Variants in STAT1 observed in about 807,000 individuals in gnomAD.
STAT1 encodes the protein signal transducer and activator of transcription 1-alpha/beta.
In STAT1, 24 loss-of-function variants were observed where a neutral mutation model predicts 111.7. That is an observed-to-expected ratio of 0.21 (90% CI 0.16 to 0.30). The LOEUF is 0.30. STAT1 is among the 10% of genes least tolerant of loss of function. STAT1 has a pLI of 1.00. For synonymous variants in STAT1, 332 were observed against 326.5 expected (o/e 1.02, Z -0.18); for missense variants, 351 against 911.9 (o/e 0.38, Z 7.92).
In STAT1 at chr2:191,001,113, CTCTT is replaced by C. The variant is rs755837357; in HGVS notation, c.419_422del (p.Lys140SerfsTer9). ...TCACATTTCTGACTTTACTGTCAAG[CTCTT>C]TCTGTTTGTCTAACATCACTGTGCT... On this transcript the variant is annotated frameshift_variant, in exon 6 of 25. Transcript: ENST00000361099. LOFTEE classifies it high-confidence loss of function. 5 of 1,614,082 alleles carry C rather than the reference CTCTT, an allele frequency of 3.1e-6. No individual in the cohort carries two copies. Among genetic ancestry groups the C allele is most frequent in the African/African-American group, 1.3e-5 (1 of 75,034 alleles).
At chr2:190,988,313 G>C (rs1224937742) in intron 12 of STAT1, among the ~76,000 whole-genome samples, 1 of 152,214 alleles carries the variant, frequency 6.6e-6, no homozygotes, top group Admixed American at 6.5e-5. Context: ...CACTAGCTCA[G>C]ACCAGGACAA....
intron 10 of STAT1, among the ~76,000 whole-genome samples, chr2:190,994,331 G>A (rs1304240782): frequency 1.3e-5 from 2 of 152,100 alleles, no homozygotes; most frequent in Non-Finnish European, 2.9e-5. Flanking sequence ...CATTCACTTG[G>A]ATCAGCAGGT....
chr2:191,010,026 ATTCT>A, intron 2 of STAT1, 22 bp from the exon 3 acceptor site: 2 of 1,613,352 alleles, frequency 1.2e-6, no homozygotes, highest in Non-Finnish European at 1.7e-6. Flanking sequence ...AAGAATATAC[ATTCT>A]TTCTATGTAT....
rs994265994 is a variant in STAT1 at position 190,980,290 on chromosome 2, G to T, written c.1632+330C>A. Among the ~76,000 whole-genome samples the T allele has an allele frequency of 6.6e-6, 1 of 152,250 alleles. No homozygotes were observed. Among genetic ancestry groups the T allele is most frequent in the Non-Finnish European group, 1.5e-5 (1 of 68,036 alleles). ...AGCAGGCCGTTAAACTCGTCTGGCT[G>T]GTCAGGCTGCGCCACCCAGCCCACA... On this transcript the variant is annotated intron_variant, in intron 19 of 24. Coordinates refer to ENST00000361099, the MANE Select transcript of STAT1 (RefSeq NM_007315.4). This position sits in a 1 kb window ranked among gnomAD's most constrained non-coding sequence, Gnocchi z 6.1.
At position 190,980,396 on chromosome 2, in the gene STAT1, T is replaced by A. The variant is rs532486004; in HGVS notation, c.1632+224A>T. On this transcript the variant is annotated intron_variant, in intron 19 of 24. Transcript: ENST00000361099. The surrounding 1 kb of genome is among the most constrained non-coding windows in gnomAD (Gnocchi z 6.1). ...GTGAACAGAAGCCTCATTTCAGATA[T>A]GAAAGAATGTTATCACTCAGGCAGG... is the stretch of plus-strand genomic sequence containing the variant. 6.6e-6 allele frequency among the ~76,000 whole-genome samples: 1 copy of A among 152,352 alleles called. No individual in the cohort carries two copies. Among genetic ancestry groups the A allele is most frequent in the Admixed American group, 6.5e-5 (1 of 15,302 alleles).
In STAT1 at chr2:190,982,645, G is replaced by A; in HGVS notation, c.1447-127C>T. 1 of 1,011,088 alleles carries A rather than the reference G, an allele frequency of 9.9e-7. No individual in the cohort carries two copies. The highest frequency in any genetic ancestry group is 1.5e-6 in the Non-Finnish European group (1 of 653,392). 62.6% of individuals were successfully genotyped at this position (1,011,088 alleles called of 1,614,324 possible). On this transcript the variant is annotated intron_variant, in intron 17 of 24. Transcript: ENST00000361099. This position sits in a 1 kb window ranked among gnomAD's most constrained non-coding sequence, Gnocchi z 7.3. ...ATGACACACAGGTGCTTTCACAGTAGGGGAAGAGAAATACAGTCAATTTTC... is the reference window on the plus strand; with the variant it reads ...ATGACACACAGGTGCTTTCACAGTAAGGGAAGAGAAATACAGTCAATTTTC...
chr2:191,009,873 T>C lies in STAT1; in HGVS notation c.128+3A>G, dbSNP rs1433657332. On this transcript the variant is annotated splice_donor_region_variant and intron_variant, in intron 3 of 24. Transcript: ENST00000361099. ...CTTCTTCTGTCTAGTGAATTTTCCT[T>C]ACCAGTCTTGCTTTTCTAACCACTG... 23 of 1,613,782 alleles carry C rather than the reference T, an allele frequency of 1.4e-5. No individual in the cohort carries two copies. The highest frequency in any genetic ancestry group is 1.9e-5 in the Non-Finnish European group (23 of 1,179,830).
At position 191,012,021 on chromosome 2, in the gene STAT1, G is replaced by A. The variant is rs1298990571; in HGVS notation, c.-2+1504C>T. Among the ~76,000 whole-genome samples the A allele has an allele frequency of 4.6e-5, 7 of 151,948 alleles. No individual in the cohort carries two copies. Among genetic ancestry groups the A allele is most frequent in the Non-Finnish European group, 8.8e-5 (6 of 68,000 alleles). On this transcript the variant is annotated intron_variant, in intron 2 of 24. Coordinates refer to ENST00000361099, the MANE Select transcript of STAT1 (RefSeq NM_007315.4). This position sits in a 1 kb window ranked among gnomAD's most constrained non-coding sequence, Gnocchi z 4.0. ...CCACCTCAGCCTCCCAAAGTGCTGG[G>A]ATTACAGGCGTGAGCTTCCGCACCC...
In STAT1 at chr2:190,970,785, A is replaced by G; in HGVS notation, c.2239-68T>C. The G allele has an allele frequency of 7.0e-7, 1 of 1,437,698 alleles. No individual in the cohort carries two copies. Among genetic ancestry groups the G allele is most frequent in the South Asian group, 1.1e-5 (1 of 87,256 alleles). The allele number at this position is 1,437,698 out of a possible 1,614,324, so 89.1% of individuals were successfully genotyped here. A position where few individuals can be genotyped will look rare whatever the true frequency, so the allele number is the denominator to read the frequency against. ...TGTGAAATGCAGACTCATACATTAA[A>G]CATTGCTTGTCTATTCTAGAATGAA... On this transcript the variant is annotated intron_variant, in intron 24 of 24. Coordinates refer to ENST00000361099, the MANE Select transcript of STAT1 (RefSeq NM_007315.4). The surrounding 1 kb of genome is among the most constrained non-coding windows in gnomAD (Gnocchi z 5.4).
chr2:190,990,475 A>G lies in STAT1; in HGVS notation c.1037+753T>C, dbSNP rs1183399286. Reference sequence around the variant, plus strand: ...ATGCTTAAAGCAATGCAGCCATTCAATGGAAGAAAGTAAAGCCACATATTC... The same window carrying G: ...ATGCTTAAAGCAATGCAGCCATTCAGTGGAAGAAAGTAAAGCCACATATTC... On this transcript the variant is annotated intron_variant, in intron 11 of 24. Transcript: ENST00000361099. This position sits in a 1 kb window ranked among gnomAD's most constrained non-coding sequence, Gnocchi z 5.1. Among the ~76,000 whole-genome samples, 2 of 152,262 alleles carry G rather than the reference A, an allele frequency of 1.3e-5. No homozygotes were observed. The highest frequency in any genetic ancestry group is 2.4e-5 in the African/African-American group (1 of 41,470).
rs780801370 is a variant in STAT1 at position 190,978,947 on chromosome 2, C to T, written c.1782G>A (p.Gln594=). 11 of 1,614,072 alleles carry T rather than the reference C, an allele frequency of 6.8e-6. No homozygotes were observed. Among genetic ancestry groups the T allele is most frequent in the Non-Finnish European group, 9.3e-6 (11 of 1,180,030 alleles). ...ACCGCAGCAGGAAGGTCCCCGGCTGCTGGTCCTTCAACAGGGCACGCTCTC... is the reference window on the plus strand; with the variant it reads ...ACCGCAGCAGGAAGGTCCCCGGCTGTTGGTCCTTCAACAGGGCACGCTCTC... ...KERERALLKD[Q]QPGTFLLRFS... Residue 594 remains glutamine, a synonymous_variant, in exon 21 of 25, where the codon CAG becomes CAA. Coordinates refer to ENST00000361099, the MANE Select transcript of STAT1 (RefSeq NM_007315.4). This position sits in a 1 kb window ranked among gnomAD's most constrained non-coding sequence, Gnocchi z 6.1.
At chr2:190,988,789 T>C (rs1183917207) in intron 12 of STAT1, among the ~76,000 whole-genome samples, 1 of 151,640 alleles carries the variant, frequency 6.6e-6, no homozygotes, top group Non-Finnish European at 1.5e-5. Context: ...AGAATATTCT[T>C]ATAGGAGTGG....
rs746687132 is a variant in STAT1 at position 190,999,598 on chromosome 2, G to C, written c.541+28C>G. 6.4e-7 allele frequency: 1 copy of C among 1,556,350 alleles called. No homozygotes were observed. Among genetic ancestry groups the C allele is most frequent in the Non-Finnish European group, 8.9e-7 (1 of 1,127,528 alleles). On this transcript the variant is annotated intron_variant, in intron 7 of 24. Transcript: ENST00000361099. The surrounding 1 kb of genome is among the most constrained non-coding windows in gnomAD (Gnocchi z 4.1). ...GTGAACAGAAAAAATTGCAGCCAAC[G>C]GGCACCACTTCAGTTGTGAACCCTT...
intron 2 of STAT1, chr2:191,010,307 T>C (rs1258562728): frequency 4.1e-6 from 2 of 484,554 alleles, no homozygotes; most frequent in Admixed American, 2.3e-5. Flanking sequence ...CCTGGAAACA[T>C]GCTCTCTCTT....
rs1020165402 is a variant in STAT1 at position 190,973,269 on chromosome 2, C to G, written c.2238+1561G>C. ...CCAGGATACCGGACAAAAGCATGCA[C>G]TAGAGACTCACTAGGTAGATTCAAA... On this transcript the variant is annotated intron_variant, in intron 24 of 24. Coordinates refer to ENST00000361099, the MANE Select transcript of STAT1 (RefSeq NM_007315.4). The surrounding 1 kb of genome is among the most constrained non-coding windows in gnomAD (Gnocchi z 4.4). Among the ~76,000 whole-genome samples the G allele has an allele frequency of 5.3e-5, 8 of 152,166 alleles. No homozygotes were observed. The highest frequency in any genetic ancestry group is 1.4e-4 in the African/African-American group (6 of 41,420).
In STAT1 at chr2:190,984,827, T is replaced by C. The variant is rs1043656628; in HGVS notation, c.1264-434A>G. ...CATCAACTTGGCAGGTCACAAGTTGTCTTGGTTTCGGTAGAAATGGATAGA... is the reference window on the plus strand; with the variant it reads ...CATCAACTTGGCAGGTCACAAGTTGCCTTGGTTTCGGTAGAAATGGATAGA... On this transcript the variant is annotated intron_variant, in intron 15 of 24. Coordinates refer to ENST00000361099, the MANE Select transcript of STAT1 (RefSeq NM_007315.4). This position sits in a 1 kb window ranked among gnomAD's most constrained non-coding sequence, Gnocchi z 5.2. Among the ~76,000 whole-genome samples, 6 of 152,194 alleles carry C rather than the reference T, an allele frequency of 3.9e-5. No individual in the cohort carries two copies. The highest frequency in any genetic ancestry group is 4.4e-5 in the Non-Finnish European group (3 of 68,028).
At chr2:190,992,662 G>T in intron 10 of STAT1, 1 of 1,245,994 alleles carries the variant, frequency 8.0e-7, no homozygotes. Context: ...CCACCTGACT[G>T]CTTGACCAGA....
intron 10 of STAT1, among the ~76,000 whole-genome samples, chr2:190,994,708 T>A (rs1028063205): frequency 6.6e-6 from 1 of 151,398 alleles, no homozygotes; most frequent in East Asian, 1.9e-4. Flanking sequence ...ATCACCTGAG[T>A]TCAGGAGTTG....
rs1217887027 is a variant in STAT1 at position 190,971,729 on chromosome 2, T to C, written c.2239-1012A>G. On this transcript the variant is annotated intron_variant, in intron 24 of 24. Coordinates refer to ENST00000361099, the MANE Select transcript of STAT1 (RefSeq NM_007315.4). The surrounding 1 kb of genome is among the most constrained non-coding windows in gnomAD (Gnocchi z 4.1). The stretch of plus-strand genomic sequence containing the variant: ...TTTTCTTTCTTTTTTTTTTTCAAAT[T>C]GGAGACGGAGTCTTCCTCTGTTGCC... Among the ~76,000 whole-genome samples, 1 of 151,900 alleles carries C rather than the reference T, an allele frequency of 6.6e-6. No homozygotes were observed. The highest frequency in any genetic ancestry group is 1.9e-4 in the East Asian group (1 of 5,196).
Sources: gnomAD v4.1 joint callset for allele counts (sites outside exome capture counted in the v4.1 genomes callset) on GRCh38, gnomAD v4.1.1 for gene constraint, Gnocchi (gnomAD v3.1) non-coding constraint, MANE v1.5 for transcripts, NCBI Gene and HGNC (gene_info 2026-07-23, HGNC 2026-07-21) for gene names.